Variants in CDK14 observed in about 807,000 individuals in gnomAD.
CDK14 encodes cyclin dependent kinase 14.
CDK14 carries 34 observed loss-of-function variants against 60.7 expected under a neutral mutation model. That is an observed-to-expected ratio of 0.56 (90% CI 0.43 to 0.75). The LOEUF (loss-of-function observed/expected upper bound fraction) is 0.75, where lower values mean the gene tolerates loss of function less well. Among genes scored for constraint, CDK14 ranks in the 30% least tolerant of loss-of-function variants. The pLI is 0.00. For synonymous variants in CDK14, 197 were observed against 203.7 expected (o/e 0.97, Z 0.28); for missense variants, 482 against 564.1 (o/e 0.85, Z 1.47).
intron 3 of CDK14, among the ~76,000 whole-genome samples, chr7:90,732,772 T>A (rs895354427): frequency 4.6e-5 from 7 of 152,178 alleles, no homozygotes; most frequent in Non-Finnish European, 1.0e-4. Context: ...TCTATTTTGT[T>A]GATCTTTCAA....
chr7:90,964,705 A>T lies in CDK14; in HGVS notation c.947+8888A>T, dbSNP rs751744186. Among the ~76,000 whole-genome samples, 13 of 152,232 alleles carry T rather than the reference A, an allele frequency of 8.5e-5. No individual in the cohort carries two copies. In the Middle Eastern group the frequency reaches 0.01, roughly 119 times the overall value. ...TGCTTATATTGCTATTCATTGATTT[A>T]CTATTTTCGACACTATCTACTAAGT... On this transcript the variant is annotated intron_variant, in intron 9 of 14. Coordinates refer to ENST00000380050, the MANE Select transcript of CDK14 (RefSeq NM_001287135.2).
intron 8 of CDK14, among the ~76,000 whole-genome samples, chr7:90,944,535 C>T (rs1794040923): frequency 6.6e-6 from 1 of 152,146 alleles, no homozygotes; most frequent in African/African-American, 2.4e-5. Flanking sequence ...GAGTTTGAGA[C>T]CAACCTGTGC....
intron 12 of CDK14, among the ~76,000 whole-genome samples, chr7:91,084,734 C>T (rs1340833196): frequency 3.3e-5 from 5 of 152,218 alleles, no homozygotes; most frequent in Non-Finnish European, 5.9e-5. Flanking sequence ...AGAAAATACC[C>T]ATCTTCTCTC....
intron 14 of CDK14, among the ~76,000 whole-genome samples, chr7:91,165,020 TC>T (rs1801303540): frequency 6.6e-6 from 1 of 152,282 alleles, no homozygotes; most frequent in African/African-American, 2.4e-5. Flanking sequence ...AGTTATTTGA[TC>T]CCTGCTGCTT....
At chr7:90,605,286 A>G (rs946084732) in intron 2 of CDK14, among the ~76,000 whole-genome samples, 23 of 152,114 alleles carry the variant, frequency 1.5e-4, no homozygotes, top group Admixed American at 1.4e-3. Context: ...TTTGGCTGTC[A>G]CGGTCTGCTG....
intron 8 of CDK14, among the ~76,000 whole-genome samples, chr7:90,951,429 C>G (rs750144428): frequency 7.9e-5 from 12 of 152,158 alleles, no homozygotes; most frequent in Non-Finnish European, 1.5e-4. Context: ...TTTGTTGACT[C>G]TGCAAATTCA....
At chr7:90,881,799 A>C (rs1462990595) in intron 6 of CDK14, among the ~76,000 whole-genome samples, 1 of 152,186 alleles carries the variant, frequency 6.6e-6, no homozygotes, top group African/African-American at 2.4e-5. Flanking sequence ...TCTTAAATGA[A>C]AGAATTTCCA....
At chr7:91,154,700 A>G (rs1800931877) in intron 14 of CDK14, among the ~76,000 whole-genome samples, 1 of 152,150 alleles carries the variant, frequency 6.6e-6, no homozygotes, top group Non-Finnish European at 1.5e-5. Context: ...GAGATAATTC[A>G]TTTGAAGCAA....
At chr7:90,691,675 A>G (rs1253022895) in intron 2 of CDK14, among the ~76,000 whole-genome samples, 1 of 152,150 alleles carries the variant, frequency 6.6e-6, no homozygotes, top group Non-Finnish European at 1.5e-5. Flanking sequence ...CTATTCTGAG[A>G]AGAAGACAGT....
chr7:90,687,703 AC>A (rs370336104), intron 2 of CDK14, among the ~76,000 whole-genome samples: 16 of 152,052 alleles, frequency 1.1e-4, no homozygotes, highest in African/African-American at 3.6e-4. Context: ...TCTCCTTCTC[AC>A]CCCCCAAGAA....
intron 14 of CDK14, among the ~76,000 whole-genome samples, chr7:91,188,134 G>A (rs1006890216): frequency 3.3e-5 from 5 of 152,118 alleles, no homozygotes; most frequent in African/African-American, 7.2e-5. Flanking sequence ...CTGTACCATC[G>A]CTATCTGCCG....
intron 10 of CDK14, among the ~76,000 whole-genome samples, chr7:90,996,972 A>G (rs963517263): frequency 1.3e-5 from 2 of 152,218 alleles, no homozygotes; most frequent in Admixed American, 6.5e-5. Context: ...ATATGGTGCT[A>G]TTAAACTTCT....
In CDK14 at chr7:90,856,673, C is replaced by T. The variant is rs533501410; in HGVS notation, c.545-6502C>T. On this transcript the variant is annotated intron_variant, in intron 5 of 14. Transcript: ENST00000380050. ...ATTTTTAAGTCCCCTCTTTATATTT[C>T]CCCTCAGAATATTTTAGCTATGAAA... Among the ~76,000 whole-genome samples the T allele has an allele frequency of 3.9e-5, 6 of 152,282 alleles. No individual in the cohort carries two copies. In the East Asian group the frequency reaches 1.2e-3, roughly 29 times the overall value.
intron 14 of CDK14, among the ~76,000 whole-genome samples, chr7:91,158,989 T>C (rs1039737674): frequency 3.9e-5 from 6 of 152,212 alleles, no homozygotes; most frequent in Admixed American, 3.9e-4. Flanking sequence ...AAATGTGATA[T>C]GTTGCTGATA....
intron 10 of CDK14, among the ~76,000 whole-genome samples, chr7:90,999,948 C>T (rs1795795801): frequency 6.6e-6 from 1 of 152,086 alleles, no homozygotes; most frequent in African/African-American, 2.4e-5. Context: ...TTCTTTAATA[C>T]CAATTTGAAA....
chr7:90,815,923 G>T (rs1315993648), intron 5 of CDK14, among the ~76,000 whole-genome samples: 3 of 152,126 alleles, frequency 2.0e-5, no homozygotes, highest in South Asian at 4.2e-4. Flanking sequence ...TTCCGGGGAT[G>T]GGGGGTAAGG....
intron 5 of CDK14, among the ~76,000 whole-genome samples, chr7:90,829,080 T>C (rs1789820837): frequency 1.3e-5 from 2 of 152,120 alleles, no homozygotes; most frequent in South Asian, 4.1e-4. Context: ...TGCCACACTT[T>C]TAAACCATCA....
At chr7:91,019,277 TTC>T (rs1355646016) in intron 10 of CDK14, among the ~76,000 whole-genome samples, 3 of 152,174 alleles carry the variant, frequency 2.0e-5, no homozygotes, top group African/African-American at 7.2e-5. Context: ...GACAGCTCCA[TTC>T]AACTAATGGC....
intron 10 of CDK14, among the ~76,000 whole-genome samples, chr7:91,013,347 T>C (rs1796213329): frequency 1.3e-5 from 2 of 152,250 alleles, no homozygotes; most frequent in Non-Finnish European, 2.9e-5. Context: ...TGGCAATGGA[T>C]TGTTCTTTGC....
Sources: allele counts gnomAD v4.1 joint callset (sites outside exome capture counted in the v4.1 genomes callset), GRCh38; gene constraint gnomAD v4.1.1; transcripts MANE v1.5; gene names NCBI Gene and HGNC (gene_info 2026-07-23, HGNC 2026-07-21).